Variants in AGBL1 observed in about 807,000 individuals in gnomAD.
AGBL1 encodes cytosolic carboxypeptidase 4.
A neutral mutation model predicts 118.9 loss-of-function variants in AGBL1; 130 were observed. The ratio of observed to expected loss-of-function variants is 1.09; its 90% CI spans 0.95 to 1.26. The LOEUF is 1.26. AGBL1 is among the 50% of genes most tolerant of loss of function. The pLI, the probability that AGBL1 is intolerant of heterozygous loss-of-function variation, is 0.00. For synonymous variants in AGBL1, 555 were observed against 478.9 expected, an observed-to-expected ratio of 1.16 and a Z score of -2.08; for missense variants, 1,584 against 1,298.1, an observed-to-expected ratio of 1.22 and a Z score of -3.38.
At chr15:86,355,541 C>T (rs2080699850) in intron 17 of AGBL1, among the ~76,000 whole-genome samples, 1 of 152,222 alleles carries the variant, frequency 6.6e-6, no homozygotes, top group South Asian at 2.1e-4. Flanking sequence ...TCAAACCCAT[C>T]TTCAGCCTTC....
Position 86,700,496 on chromosome 15 carries a change from CACACACACACACACAA to C in AGBL1, c.3158+26062_3158+26077del, listed in dbSNP as rs1356155738. On this transcript the variant is annotated intron_variant, in intron 22 of 22. Transcript: ENST00000614907. ...ACACACACACACACACACACACACA[CACACACACACACACAA>C]AATCTCTCTTGAAGTGGTCTTTCTC... 4.7e-3 allele frequency among the ~76,000 whole-genome samples: 600 copies of C among 128,252 alleles called. 14 individuals are homozygous for C. The East Asian group carries it at 0.094, about 20-fold the overall frequency. The allele number at this position is 128,252 out of a possible 152,430, so 84.1% of individuals were successfully genotyped here.
chr15:86,800,313 T>G (rs551882471), intron 22 of AGBL1, among the ~76,000 whole-genome samples: 50 of 152,282 alleles, frequency 3.3e-4, no homozygotes, highest in African/African-American at 1.2e-3. Context: ...AAGAGAATTA[T>G]GAGTTGACTA....
intron 21 of AGBL1, among the ~76,000 whole-genome samples, chr15:86,608,293 C>T (rs145763015): frequency 2.6e-4 from 40 of 152,236 alleles, no homozygotes; most frequent in Non-Finnish European, 5.0e-4. Context: ...ACTTTCTTTG[C>T]CTTGGTTAGA....
chr15:86,711,882 C>A (rs999244329), intron 22 of AGBL1, among the ~76,000 whole-genome samples: 4 of 152,178 alleles, frequency 2.6e-5, no homozygotes, highest in Non-Finnish European at 5.9e-5. Context: ...GATAGTATCA[C>A]CATCATCAGA....
intron 22 of AGBL1, among the ~76,000 whole-genome samples, chr15:86,743,013 A>G (rs2077701972): frequency 1.3e-5 from 2 of 152,144 alleles, no homozygotes; most frequent in South Asian, 2.1e-4. Context: ...TTTGTTTTGT[A>G]GCACCTAGAT....
intron 24 of AGBL1, among the ~76,000 whole-genome samples, chr15:86,991,971 G>C (rs1203102287): frequency 2.0e-5 from 3 of 152,120 alleles, no homozygotes; most frequent in Admixed American, 6.5e-5. Flanking sequence ...TTTTTGTGCT[G>C]CTGTAAAGGA....
intron 15 of AGBL1, among the ~76,000 whole-genome samples, chr15:86,273,307 A>G (rs1375856458): frequency 6.6e-6 from 1 of 152,184 alleles, no homozygotes; most frequent in Non-Finnish European, 1.5e-5. Context: ...GACAATTACT[A>G]TGTGATTAAA....
At chr15:86,612,608 G>A (rs1234518943) in intron 21 of AGBL1, among the ~76,000 whole-genome samples, 2 of 152,160 alleles carry the variant, frequency 1.3e-5, no homozygotes, top group Non-Finnish European at 2.9e-5. Flanking sequence ...TCACAGGACA[G>A]CAGGCCCTGA....
At chr15:86,239,604 A>G (rs1201827580) in intron 6 of AGBL1, among the ~76,000 whole-genome samples, 1 of 152,148 alleles carries the variant, frequency 6.6e-6, no homozygotes, top group African/African-American at 2.4e-5. Context: ...TCCCCAAAAC[A>G]TCTTCTCCAG....
At chr15:86,160,613 C>A (rs890847508) in intron 5 of AGBL1, among the ~76,000 whole-genome samples, 2 of 152,194 alleles carry the variant, frequency 1.3e-5, no homozygotes, top group Admixed American at 1.3e-4. Context: ...TCAACATGTT[C>A]TTTGGTTACC....
chr15:86,202,997 T>C (rs1178049168), intron 5 of AGBL1, among the ~76,000 whole-genome samples: 1 of 152,066 alleles, frequency 6.6e-6, no homozygotes, highest in Non-Finnish European at 1.5e-5. Context: ...GGCTGGAGGA[T>C]TGCATGAGCC....
At chr15:86,553,902 C>T (rs190919416) in intron 20 of AGBL1, among the ~76,000 whole-genome samples, 27 of 152,144 alleles carry the variant, frequency 1.8e-4, no homozygotes, top group Admixed American at 1.8e-3. Context: ...ACTCTGTCTC[C>T]CAGGCTGGAG....
intron 2 of AGBL1, 91 bp from the exon 3 acceptor site, chr15:86,143,608 T>C (rs2076993164): frequency 6.8e-7 from 1 of 1,461,668 alleles, no homozygotes; most frequent in Admixed American, 2.1e-5. Flanking sequence ...AACTAATTCT[T>C]GCTCTGTCTC....
intron 3 of AGBL1, among the ~76,000 whole-genome samples, chr15:86,149,557 C>A (rs1391266564): frequency 6.6e-6 from 1 of 152,166 alleles, no homozygotes; most frequent in Non-Finnish European, 1.5e-5. Context: ...GTAAAGGGAT[C>A]AATTCAACAA....
intron 22 of AGBL1, among the ~76,000 whole-genome samples, chr15:86,873,150 G>C (rs942641718): frequency 1.3e-5 from 2 of 152,138 alleles, no homozygotes; most frequent in Admixed American, 1.3e-4. Context: ...ATCTCTGCAG[G>C]AGCAATTAAT....
chr15:86,092,131 C>G (rs534132250), intron 1 of AGBL1, among the ~76,000 whole-genome samples: 1 of 152,126 alleles, frequency 6.6e-6, no homozygotes, highest in African/African-American at 2.4e-5. Context: ...TTCTTGTCCT[C>G]CCAGATATGA....
intron 19 of AGBL1, among the ~76,000 whole-genome samples, chr15:86,542,848 CTTTTG>C (rs2083523986): frequency 1.3e-5 from 2 of 152,264 alleles, no homozygotes; most frequent in South Asian, 2.1e-4. Flanking sequence ...CTCTAGCATT[CTTTTG>C]TTTTGTATTT....
At chr15:86,287,934 A>G (rs879598376) in intron 16 of AGBL1, among the ~76,000 whole-genome samples, 2 of 152,298 alleles carry the variant, frequency 1.3e-5, no homozygotes, top group East Asian at 3.9e-4. Flanking sequence ...TGAAATATTA[A>G]AGAATCTGAA....
chr15:86,812,578 T>C (rs1007087855), intron 22 of AGBL1, among the ~76,000 whole-genome samples: 1 of 152,174 alleles, frequency 6.6e-6, no homozygotes, highest in Admixed American at 6.5e-5. Flanking sequence ...ATTAGCTAAA[T>C]GGACAGTGGT....
Sources: gnomAD v4.1 joint callset for allele counts (sites outside exome capture counted in the v4.1 genomes callset) on GRCh38, gnomAD v4.1.1 for gene constraint, MANE v1.5 for transcripts, NCBI Gene and HGNC (gene_info 2026-07-23, HGNC 2026-07-21) for gene names.